TLK2: variants seen among roughly 807,000 people sequenced by gnomAD.
TLK2 encodes tousled like kinase 2.
In TLK2, 6 loss-of-function variants were observed where a neutral mutation model predicts 117.3. That is an observed-to-expected ratio of 0.05 (90% confidence interval 0.03 to 0.10). TLK2 has a LOEUF of 0.10. TLK2 is among the 10% of genes least tolerant of loss of function. TLK2 has a pLI of 1.00. For missense variants in TLK2, 299 were observed against 901.2 expected, an observed-to-expected ratio of 0.33 and a Z score of 8.56; for synonymous variants, 257 against 316.7, an observed-to-expected ratio of 0.81 and a Z score of 2.00.
chr17:62,583,892 C>G (rs896451002), intron 15 of TLK2, among the ~76,000 whole-genome samples: 56 of 151,552 alleles, frequency 3.7e-4, no homozygotes, highest in African/African-American at 1.3e-3. Context: ...CATTTTATTT[C>G]TGAAATCTAA....
chr17:62,525,449 TA>T (rs1247891193), intron 6 of TLK2, among the ~76,000 whole-genome samples: 1 of 136,634 alleles, frequency 7.3e-6, no homozygotes, highest in African/African-American at 2.7e-5. Flanking sequence ...CATATATATG[TA>T]ATTTTTTTTT....
chr17:62,490,601 G>T (rs1378871531), intron 2 of TLK2, among the ~76,000 whole-genome samples: 1 of 152,102 alleles, frequency 6.6e-6, no homozygotes, highest in Non-Finnish European at 1.5e-5. Context: ...GAGTGCAATG[G>T]CATGATCTCG....
intron 2 of TLK2, among the ~76,000 whole-genome samples, chr17:62,482,648 T>A (rs374282839): frequency 5.3e-5 from 8 of 151,428 alleles, no homozygotes; most frequent in African/African-American, 1.7e-4. Context: ...ACAGGGTTTC[T>A]CCATGTTGGC....
intron 16 of TLK2, 41 bp from the exon 17 acceptor site, chr17:62,596,544 G>A: frequency 6.8e-7 from 1 of 1,464,544 alleles, no homozygotes. Context: ...CTAAAAGGCA[G>A]GCCAATATAC....
intron 2 of TLK2, among the ~76,000 whole-genome samples, chr17:62,502,028 A>ATTTTTT (rs746988825): frequency 1.6e-4 from 21 of 134,296 alleles, no homozygotes; most frequent in Admixed American, 3.1e-4. Flanking sequence ...AAAAAATACC[A>ATTTTTT]ATTTTTTTTT....
chr17:62,509,969 ATTTCTG>A (rs1328621245), intron 2 of TLK2, among the ~76,000 whole-genome samples: 1 of 152,110 alleles, frequency 6.6e-6, no homozygotes, highest in Non-Finnish European at 1.5e-5. Context: ...CAGAAATTAA[ATTTCTG>A]TTTTTCATAA....
chr17:62,552,650 G>A (rs1307312381), intron 8 of TLK2, among the ~76,000 whole-genome samples: 6 of 151,024 alleles, frequency 4.0e-5, no homozygotes, highest in Non-Finnish European at 8.8e-5. Flanking sequence ...TGGTGTTAAG[G>A]AAACTGCACA....
chr17:62,554,900 G>C (rs1431262217), intron 9 of TLK2, among the ~76,000 whole-genome samples: 1 of 151,062 alleles, frequency 6.6e-6, no homozygotes, highest in East Asian at 1.9e-4. Flanking sequence ...AATTATACAT[G>C]CTCTTTACAA....
At chr17:62,527,522 A>G (rs963116736) in intron 6 of TLK2, among the ~76,000 whole-genome samples, 3 of 151,678 alleles carry the variant, frequency 2.0e-5, no homozygotes, top group Admixed American at 2.0e-4. Flanking sequence ...ACCTCTAACA[A>G]CATAGATGAA....
chr17:62,589,043 C>T (rs1567979560), intron 16 of TLK2, among the ~76,000 whole-genome samples: 1 of 152,098 alleles, frequency 6.6e-6, no homozygotes, highest in African/African-American at 2.4e-5. Flanking sequence ...AAAAAGAAGG[C>T]AGATTTCAAA....
intron 20 of TLK2, among the ~76,000 whole-genome samples, chr17:62,607,761 G>A (rs2083425222): frequency 6.6e-6 from 1 of 152,158 alleles, no homozygotes; most frequent in South Asian, 2.1e-4. Flanking sequence ...TTTCTCTGGT[G>A]TGAGCAAAGC....
intron 2 of TLK2, among the ~76,000 whole-genome samples, chr17:62,485,816 GTTT>G (rs879159414): frequency 2.4e-5 from 3 of 122,554 alleles, no homozygotes; most frequent in Admixed American, 1.7e-4. Flanking sequence ...TAATTTTCTG[GTTT>G]TTTTTTTTTT....
At chr17:62,597,744 T>G (rs561415459) in intron 17 of TLK2, among the ~76,000 whole-genome samples, 1 of 152,318 alleles carries the variant, frequency 6.6e-6, no homozygotes, top group African/African-American at 2.4e-5. Context: ...CCAGAGAAGT[T>G]AAATAACTTG....
At chr17:62,532,150 A>G (rs933729052) in intron 6 of TLK2, among the ~76,000 whole-genome samples, 4 of 150,260 alleles carry the variant, frequency 2.7e-5, no homozygotes, top group African/African-American at 4.9e-5. Context: ...TACTTTATCA[A>G]CTCTTCAGTG....
In TLK2 at chr17:62,536,451, A is replaced by T. The variant is rs3764388; in HGVS notation, c.531+114A>T. The T allele has an allele frequency of 0.022, 25,066 of 1,159,972 alleles. 3,625 individuals are homozygous for T. In the East Asian group the frequency reaches 0.4, roughly 18 times the overall value. 71.9% of individuals were successfully genotyped at this position (1,159,972 alleles called of 1,614,324 possible). On this transcript the variant is annotated intron_variant, in intron 7 of 21. Transcript: ENST00000346027. ...AGGGACATTTCTAATACTTTTTTTT[A>T]AAATGTGATCTCCCCTTATCATCAT...
At chr17:62,488,763 T>C (rs535504450) in intron 2 of TLK2, among the ~76,000 whole-genome samples, 7 of 151,996 alleles carry the variant, frequency 4.6e-5, no homozygotes, top group African/African-American at 1.4e-4. Flanking sequence ...TTTTAACTTA[T>C]CAAAGGTTAA....
intron 2 of TLK2, among the ~76,000 whole-genome samples, chr17:62,507,928 CTT>C (rs1350985417): frequency 6.6e-6 from 1 of 151,886 alleles, no homozygotes; most frequent in African/African-American, 2.4e-5. Context: ...AAACTGTACT[CTT>C]TTAAAAACAA....
intron 7 of TLK2, among the ~76,000 whole-genome samples, chr17:62,545,020 A>G (rs192945841): frequency 2.1e-4 from 32 of 152,256 alleles, no homozygotes; most frequent in African/African-American, 7.2e-4. Context: ...TAGAAATACA[A>G]TTGATTTTTG....
rs779803979 is a variant in TLK2, at chr17:62,586,115, A to AT, written c.1369-19dup. On this transcript the variant is annotated intron_variant, in intron 15 of 21. Transcript: ENST00000346027. Reference sequence around the variant, plus strand: ...ATTTTTCTTAACATTTACCCAGTATATAATTTATTCTCTTTATAGGCATTT... The same window carrying AT: ...ATTTTTCTTAACATTTACCCAGTATATTAATTTATTCTCTTTATAGGCATTT... 6.3e-7 allele frequency: 1 copy of AT among 1,581,094 alleles called. No homozygotes were observed. The highest frequency in any genetic ancestry group is 1.8e-5 in the Admixed American group (1 of 56,232).
Sources: gnomAD v4.1 joint callset for allele counts (sites outside exome capture counted in the v4.1 genomes callset) on GRCh38, gnomAD v4.1.1 for gene constraint, MANE v1.5 for transcripts, NCBI Gene and HGNC (gene_info 2026-07-23, HGNC 2026-07-21) for gene names.